Variants in USP3 observed in about 807,000 individuals in gnomAD.
USP3 encodes ubiquitin specific peptidase 3.
A neutral mutation model predicts 72.3 loss-of-function variants in USP3; 20 were observed. The ratio of observed to expected loss-of-function variants is 0.28; its 90% CI spans 0.19 to 0.40. The LOEUF (loss-of-function observed/expected upper bound fraction) is 0.40, where lower values mean the gene tolerates loss of function less well. Among genes scored for constraint, USP3 ranks in the 10% least tolerant of loss-of-function variants. The pLI, the probability that USP3 is intolerant of heterozygous loss-of-function variation, is 1.00. For missense variants in USP3, 479 were observed against 633.9 expected (o/e 0.76, Z 2.62); for synonymous variants, 222 against 225.3 (o/e 0.99, Z 0.13).
chr15:63,537,874 G>T (rs113818391), intron 3 of USP3, among the ~76,000 whole-genome samples: 2 of 151,986 alleles, frequency 1.3e-5, no homozygotes, highest in Non-Finnish European at 1.5e-5. Flanking sequence ...TAGTAGAGAC[G>T]GAGTTTCACC....
At chr15:63,522,260 A>G (rs2065930426) in intron 1 of USP3, among the ~76,000 whole-genome samples, 1 of 152,240 alleles carries the variant, frequency 6.6e-6, no homozygotes. Context: ...GCATTGCTAG[A>G]TAACCACGTA....
intron 1 of USP3, among the ~76,000 whole-genome samples, chr15:63,526,996 G>A (rs961070850): frequency 2.6e-5 from 4 of 152,192 alleles, no homozygotes; most frequent in African/African-American, 9.7e-5. Flanking sequence ...CTGGGCTCAC[G>A]GGATTCTCCC....
rs980602828 is a variant in USP3, at chr15:63,588,959, C to T, written c.1345C>T (p.Pro449Ser). 6.2e-7 allele frequency: 1 copy of T among 1,614,086 alleles called. No individual in the cohort carries two copies. Among genetic ancestry groups the T allele is most frequent in the Non-Finnish European group, 8.5e-7 (1 of 1,180,020 alleles). Residue 449 changes from proline (P) to serine (S), a missense_variant, in exon 14 of 15, where the codon CCG becomes TCG. Pro to Ser is a moderately conservative substitution (Grantham distance 74). Transcript: ENST00000380324. This position sits in a 1 kb window ranked among gnomAD's most constrained non-coding sequence, Gnocchi z 4.6. ...CYLLEPENSG[P>S]ESCLYDLAAV... is the part of the protein sequence containing the mutation. ...TGTTCTGTAGCCTGAGAACAGTGGC[C>T]CGGAGAGCTGCCTGTATGACCTCGC... is the stretch of plus-strand genomic sequence containing the variant.
chr15:63,584,409 T>TTTAA (rs1159930895), intron 11 of USP3, among the ~76,000 whole-genome samples: 1 of 152,138 alleles, frequency 6.6e-6, no homozygotes, highest in African/African-American at 2.4e-5. Flanking sequence ...GTACAAAGGT[T>TTTAA]TTAATTTCTC....
At chr15:63,586,128 T>C (rs2067055685) in intron 11 of USP3, among the ~76,000 whole-genome samples, 1 of 152,248 alleles carries the variant, frequency 6.6e-6, no homozygotes, top group African/African-American at 2.4e-5. Context: ...ATGTGATCTG[T>C]CAGCAGAGAT....
chr15:63,576,381 C>T (rs976595774), intron 11 of USP3, among the ~76,000 whole-genome samples: 3 of 152,150 alleles, frequency 2.0e-5, no homozygotes, highest in Non-Finnish European at 4.4e-5. Flanking sequence ...GGCTTCTTTC[C>T]TTGCTTCCTT....
At chr15:63,556,135 G>T (rs1361199312) in intron 4 of USP3, among the ~76,000 whole-genome samples, 2 of 152,120 alleles carry the variant, frequency 1.3e-5, no homozygotes, top group Non-Finnish European at 2.9e-5. Flanking sequence ...ATGTCCTTTG[G>T]AGCGTAGCTG....
chr15:63,533,281 A>C (rs1396019419), intron 2 of USP3, among the ~76,000 whole-genome samples: 3 of 152,160 alleles, frequency 2.0e-5, no homozygotes, highest in African/African-American at 7.2e-5. Flanking sequence ...GTTCATTATT[A>C]ATTCCTAAGA....
chr15:63,558,436 T>G (rs553681374), intron 6 of USP3, among the ~76,000 whole-genome samples: 2 of 152,292 alleles, frequency 1.3e-5, no homozygotes, highest in East Asian at 1.9e-4. Flanking sequence ...AATAGTTGTT[T>G]GCGGTTATTT....
chr15:63,594,167 A>C lies in USP3; in HGVS notation c.*3341A>C, dbSNP rs532044106. Reference sequence around the variant, plus strand: ...CCTCTCCTTCATTGGTTTAGTGTACATAAGTCTATTTAGATACACTTATCC... The same window carrying C: ...CCTCTCCTTCATTGGTTTAGTGTACCTAAGTCTATTTAGATACACTTATCC... On this transcript the variant is annotated 3_prime_UTR_variant, in exon 15 of 15. Transcript: ENST00000380324. The C allele has an allele frequency of 1.3e-5, 2 of 152,262 alleles. No homozygotes were observed. Among genetic ancestry groups the C allele is most frequent in the Admixed American group, 1.3e-4 (2 of 15,282 alleles). 9.4% of individuals were successfully genotyped at this position (152,262 alleles called of 1,614,324 possible).
In USP3 at chr15:63,574,261, AT is replaced by A. The variant is rs1243385418; in HGVS notation, c.1016-60del. ...ATCTAGAAATACATCAGTTTGTGAAATTATTTTGAATGGACATATATGCCTT... is the reference window on the plus strand; with the variant it reads ...ATCTAGAAATACATCAGTTTGTGAAATATTTTGAATGGACATATATGCCTT... On this transcript the variant is annotated intron_variant, in intron 10 of 14. Transcript: ENST00000380324. This position sits in a 1 kb window ranked among gnomAD's most constrained non-coding sequence, Gnocchi z 4.6. The A allele has an allele frequency of 2.7e-6, 4 of 1,463,432 alleles. No homozygotes were observed. In the African/African-American group the frequency reaches 4.3e-5, roughly 16 times the overall value. The allele number at this position is 1,463,432 out of a possible 1,614,324, so 90.7% of individuals were successfully genotyped here.
intron 11 of USP3, among the ~76,000 whole-genome samples, chr15:63,581,400 T>TGTGTGTGTGTGTGTG (rs1595771316): frequency 7.7e-6 from 1 of 129,642 alleles, no homozygotes; most frequent in East Asian, 2.1e-4. Context: ...TGTGTGTGTG[T>TGTGTGTGTGTGTGTG]TTAGATGGAG....
chr15:63,589,689 T>C (rs762470814), intron 14 of USP3, among the ~76,000 whole-genome samples: 1 of 152,176 alleles, frequency 6.6e-6, no homozygotes, highest in Non-Finnish European at 1.5e-5. Context: ...TGAAACTCTC[T>C]ATACTGTAGG....
At chr15:63,577,553 A>G (rs1010192687) in intron 11 of USP3, among the ~76,000 whole-genome samples, 1 of 152,116 alleles carries the variant, frequency 6.6e-6, no homozygotes, top group Non-Finnish European at 1.5e-5. Flanking sequence ...TCAGATCGAG[A>G]CCATCCTGGC....
intron 1 of USP3, among the ~76,000 whole-genome samples, chr15:63,509,678 A>T (rs1187944881): frequency 2.0e-5 from 3 of 152,114 alleles, no homozygotes; most frequent in Non-Finnish European, 4.4e-5. Context: ...CTTAAGTCAA[A>T]TGTCTTTCTA....
At chr15:63,565,242 C>T (rs1304196679) in intron 8 of USP3, among the ~76,000 whole-genome samples, 2 of 152,082 alleles carry the variant, frequency 1.3e-5, no homozygotes, top group Admixed American at 1.3e-4. Flanking sequence ...AACACACACA[C>T]CCTCAATGTA....
chr15:63,547,737 AGAGAGAGGGAGGGAGGGAGG>A (rs2066353931), intron 3 of USP3, among the ~76,000 whole-genome samples: 1 of 33,788 alleles, frequency 3.0e-5, no homozygotes, highest in Non-Finnish European at 6.6e-5. Context: ...AGAGAGAGAG[AGAGAGAGGGAGGGAGGGAGG>A]GAGGGAGAGA....
chr15:63,574,148 C>A lies in USP3; in HGVS notation c.1011C>A (p.Phe337Leu). 6.3e-7 allele frequency: 1 copy of A among 1,582,274 alleles called. No homozygotes were observed. The highest frequency in any genetic ancestry group is 8.6e-7 in the Non-Finnish European group (1 of 1,163,840). Residue 337 changes from phenylalanine (F) to leucine (L), a missense_variant, in exon 10 of 15, where the codon TTC (phenylalanine) becomes TTA (leucine). By Grantham distance (22) the Phe-to-Leu change is conservative (BLOSUM62 0). Coordinates refer to ENST00000380324, the MANE Select transcript of USP3 (RefSeq NM_006537.4). The surrounding 1 kb of genome is among the most constrained non-coding windows in gnomAD (Gnocchi z 4.6). ...CGTESRKFDP[F>L]LDLSLDIPSQ... ...CAGAATCTAGAAAGTTTGATCCATTCCTAGGTAAGATATATGTGGCATGTG... is the reference window on the plus strand; with the variant it reads ...CAGAATCTAGAAAGTTTGATCCATTACTAGGTAAGATATATGTGGCATGTG...
In USP3 at chr15:63,590,778, C is replaced by G; in HGVS notation, c.1515C>G (p.Ile505Met). 6.2e-7 allele frequency: 1 copy of G among 1,614,110 alleles called. No homozygotes were observed. The highest frequency in any genetic ancestry group is 1.7e-4 in the Middle Eastern group (1 of 6,054). The change falls in exon 15 of 15, where the codon ATC (isoleucine) becomes ATG (methionine). Residue 505 changes from isoleucine (I) to methionine (M), a missense_variant. By Grantham distance (10) the Ile-to-Met change is conservative. Coordinates refer to ENST00000380324, the MANE Select transcript of USP3 (RefSeq NM_006537.4). ...CTGTGGTGAAGGCGAAGGCCTACAT[C>G]CTTTTCTACGTGGAACACCAGGCCA... ...EETVVKAKAY[I>M]LFYVEHQAKA...
Sources: gnomAD v4.1 joint callset for allele counts (sites outside exome capture counted in the v4.1 genomes callset) on GRCh38, gnomAD v4.1.1 for gene constraint, Gnocchi (gnomAD v3.1) non-coding constraint, MANE v1.5 for transcripts, NCBI Gene and HGNC (gene_info 2026-07-23, HGNC 2026-07-21) for gene names.